The following SSBP2 variants were observed in gnomAD, a reference collection of about 807,000 sequenced individuals.
SSBP2 encodes single stranded DNA binding protein 2, also known as single-stranded DNA-binding protein 2.
Under a neutral mutation model 61.8 loss-of-function variants are expected in SSBP2, and 17 were observed. That is an observed-to-expected ratio of 0.28 (90% CI 0.19 to 0.41). The LOEUF is 0.41. Ranked by LOEUF, SSBP2 falls within the 10% of genes least tolerant of loss-of-function variation. The pLI, the probability that SSBP2 is intolerant of heterozygous loss-of-function variation, is 1.00. For synonymous variants in SSBP2, 139 were observed against 141.3 expected (o/e 0.98, Z 0.12); for missense variants, 310 against 458.7 (o/e 0.68, Z 2.96).
At chr5:81,614,538 T>C (rs1223389501) in intron 4 of SSBP2, among the ~76,000 whole-genome samples, 1 of 152,098 alleles carries the variant, frequency 6.6e-6, no homozygotes, top group African/African-American at 2.4e-5. Flanking sequence ...AGGTCTTTTT[T>C]CCCTTTTGAG....
chr5:81,463,651 G>C (rs1444062848), intron 9 of SSBP2, among the ~76,000 whole-genome samples: 2 of 151,884 alleles, frequency 1.3e-5, no homozygotes, highest in African/African-American at 4.8e-5. Flanking sequence ...AGTGAGCCGA[G>C]ATCATGCTAC....
chr5:81,682,273 G>T (rs1250822675), intron 1 of SSBP2, among the ~76,000 whole-genome samples: 1 of 152,140 alleles, frequency 6.6e-6, no homozygotes, highest in Non-Finnish European at 1.5e-5. Flanking sequence ...TATCTCTCAT[G>T]AACACAGATG....
At chr5:81,593,439 T>C (rs1215866231) in intron 4 of SSBP2, among the ~76,000 whole-genome samples, 2 of 152,142 alleles carry the variant, frequency 1.3e-5, no homozygotes, top group African/African-American at 2.4e-5. Context: ...CCAGGAAAAC[T>C]TCCCCAATCT....
chr5:81,630,600 T>C (rs752065899), intron 3 of SSBP2, among the ~76,000 whole-genome samples: 14 of 152,154 alleles, frequency 9.2e-5, no homozygotes, highest in Non-Finnish European at 1.6e-4. Flanking sequence ...TAAAAATATT[T>C]ATGTGCCCAT....
intron 5 of SSBP2, among the ~76,000 whole-genome samples, chr5:81,496,724 C>T (rs1444850539): frequency 1.8e-5 from 2 of 112,242 alleles, no homozygotes; most frequent in Non-Finnish European, 3.3e-5. Flanking sequence ...AAGTTTACTA[C>T]ATCCTCCTCA....
chr5:81,440,737 T>A (rs1422435752), intron 13 of SSBP2, 101 bp from the exon 14 acceptor site: 1 of 810,062 alleles, frequency 1.2e-6, no homozygotes, highest in African/African-American at 1.8e-5. Context: ...CCACAACTTA[T>A]TTTTACTTTC....
At chr5:81,657,869 A>G (rs1234527233) in intron 1 of SSBP2, among the ~76,000 whole-genome samples, 1 of 152,206 alleles carries the variant, frequency 6.6e-6, no homozygotes, top group Non-Finnish European at 1.5e-5. Context: ...GCTATTTAAA[A>G]TAAAATTTTG....
intron 3 of SSBP2, among the ~76,000 whole-genome samples, chr5:81,620,541 A>G (rs1746477001): frequency 9.0e-6 from 1 of 110,586 alleles, no homozygotes; most frequent in Admixed American, 9.7e-5. Flanking sequence ...AAGGTAATTT[A>G]CAGATTCAAT....
intron 1 of SSBP2, among the ~76,000 whole-genome samples, chr5:81,673,191 G>A (rs973367545): frequency 2.0e-5 from 3 of 151,986 alleles, no homozygotes; most frequent in African/African-American, 7.3e-5. Flanking sequence ...AGCACCCATG[G>A]GTGACCAAAT....
intron 4 of SSBP2, among the ~76,000 whole-genome samples, chr5:81,612,143 A>G (rs895098751): frequency 1.3e-5 from 2 of 152,170 alleles, no homozygotes; most frequent in African/African-American, 4.8e-5. Flanking sequence ...ACATATGTAC[A>G]GCTTTTTGTA....
intron 1 of SSBP2, among the ~76,000 whole-genome samples, chr5:81,720,622 GA>G (rs1162649702): frequency 6.6e-6 from 1 of 152,110 alleles, no homozygotes; most frequent in African/African-American, 2.4e-5. Flanking sequence ...CCTTATAGAC[GA>G]AAAGCAAGGA....
chr5:81,486,549 A>G (rs1365235114), intron 6 of SSBP2, among the ~76,000 whole-genome samples: 2 of 152,174 alleles, frequency 1.3e-5, no homozygotes, highest in East Asian at 3.8e-4. Flanking sequence ...CTAGACTTAT[A>G]TAATATACAA....
At chr5:81,702,681 T>C (rs1319874506) in intron 1 of SSBP2, among the ~76,000 whole-genome samples, 1 of 152,202 alleles carries the variant, frequency 6.6e-6, no homozygotes, top group African/African-American at 2.4e-5. Flanking sequence ...AGAATCCCTA[T>C]TTCAGAGAAT....
chr5:81,472,652 T>C (rs146414453), intron 8 of SSBP2, among the ~76,000 whole-genome samples: 32 of 152,236 alleles, frequency 2.1e-4, no homozygotes, highest in African/African-American at 7.7e-4. Context: ...CAGGCTGGAG[T>C]GCAATGGCGC....
chr5:81,616,944 C>G (rs1386263865), intron 3 of SSBP2, among the ~76,000 whole-genome samples: 2 of 146,744 alleles, frequency 1.4e-5, no homozygotes, highest in East Asian at 4.1e-4. Flanking sequence ...CACCGAAAAC[C>G]CATCTGTACA....
At chr5:81,452,134 T>C (rs573835142) in intron 10 of SSBP2, among the ~76,000 whole-genome samples, 4 of 152,328 alleles carry the variant, frequency 2.6e-5, no homozygotes, top group South Asian at 2.1e-4. Flanking sequence ...GGAAATGCTA[T>C]GCTATGTTAT....
chr5:81,465,189 A>G (rs1764805328), intron 9 of SSBP2, among the ~76,000 whole-genome samples: 1 of 152,028 alleles, frequency 6.6e-6, no homozygotes, highest in Non-Finnish European at 1.5e-5. Context: ...AATGGAGATC[A>G]GAGTCTGTAA....
chr5:81,508,489 G>A (rs868702578), intron 5 of SSBP2, among the ~76,000 whole-genome samples: 22 of 152,192 alleles, frequency 1.4e-4, no homozygotes, highest in South Asian at 8.3e-4. Context: ...TTCCTGCTCA[G>A]CAACAGAGGC....
At chr5:81,713,034 G>C (rs1754906036) in intron 1 of SSBP2, among the ~76,000 whole-genome samples, 1 of 151,844 alleles carries the variant, frequency 6.6e-6, no homozygotes, top group Non-Finnish European at 1.5e-5. Flanking sequence ...GGCCTAAAGG[G>C]ATGTTCTTTT....
Sources: allele counts gnomAD v4.1 joint callset (sites outside exome capture counted in the v4.1 genomes callset), GRCh38; gene constraint gnomAD v4.1.1; transcripts MANE v1.5; gene names NCBI Gene and HGNC (gene_info 2026-07-23, HGNC 2026-07-21).